RANGAP1: variants seen among roughly 807,000 people sequenced by gnomAD.
RANGAP1 encodes the protein Ran GTPase activating protein 1.
Under a neutral mutation model 63.5 loss-of-function variants are expected in RANGAP1, and 38 were observed. The observed-to-expected ratio is 0.60, with a 90% CI of 0.46 to 0.78. The LOEUF is 0.78. RANGAP1 is among the 30% of genes least tolerant of loss of function. The pLI is 0.00. For synonymous variants in RANGAP1, 329 were observed against 310.5 expected, an observed-to-expected ratio of 1.06 and a Z score of -0.63; for missense variants, 630 against 740.3, an observed-to-expected ratio of 0.85 and a Z score of 1.73.
At chr22:41,248,502 G>A (rs921340833) in intron 15 of RANGAP1, among the ~76,000 whole-genome samples, 4 of 152,232 alleles carry the variant, frequency 2.6e-5, no homozygotes, top group Non-Finnish European at 5.9e-5. Flanking sequence ...GCCTCAGCTG[G>A]TGGGCTCTGG....
In RANGAP1 at chr22:41,258,086, C is replaced by T; in HGVS notation, c.636G>A (p.Glu212=). The T allele has an allele frequency of 1.2e-6, 2 of 1,611,326 alleles. No homozygotes were observed. The highest frequency in any genetic ancestry group is 1.1e-5 in the South Asian group (1 of 90,694). ...TGATCCCATTCTGTGGCATGTGGACCTCCTCCAGGGTCCCGATGACCTGTG... is the reference window on the plus strand; with the variant it reads ...TGATCCCATTCTGTGGCATGTGGACTTCCTCCAGGGTCCCGATGACCTGTG... ...EAFRVIGTLE[E]VHMPQNGINH... The change falls in exon 7 of 16, where the codon GAG becomes GAA. Residue 212 remains glutamate (E), a synonymous_variant. Transcript: ENST00000356244.
At chr22:41,283,486 C>A (rs1039208997) in intron 1 of RANGAP1, among the ~76,000 whole-genome samples, 5 of 151,840 alleles carry the variant, frequency 3.3e-5, no homozygotes, top group African/African-American at 1.2e-4. Flanking sequence ...TCCAGCCTGG[C>A]GACAGAGCAA....
chr22:41,246,586 T>C lies in RANGAP1; in HGVS notation c.*17A>G, dbSNP rs372644088. 19 of 1,539,278 alleles carry C rather than the reference T, an allele frequency of 1.2e-5. No individual in the cohort carries two copies. The highest frequency in any genetic ancestry group is 8.8e-7 in the Non-Finnish European group (1 of 1,130,738). On this transcript the variant is annotated 3_prime_UTR_variant, in exon 16 of 16. Coordinates refer to ENST00000356244, the MANE Select transcript of RANGAP1 (RefSeq NM_002883.4). ...CAGCTCACTGGTCCAGGCCAAGGGATGGGAGAGGCTTTGAGTCTAGACCTT... is the reference window on the plus strand; with the variant it reads ...CAGCTCACTGGTCCAGGCCAAGGGACGGGAGAGGCTTTGAGTCTAGACCTT...
upstream of RANGAP1, among the ~76,000 whole-genome samples, chr22:41,287,335 T>C (rs2035774347): frequency 6.6e-6 from 1 of 151,938 alleles, no homozygotes; most frequent in Non-Finnish European, 1.5e-5. Context: ...GCAACTTTTC[T>C]GTAGGTGTGA....
intron 1 of RANGAP1, chr22:41,284,862 T>C (rs1273730016): frequency 6.6e-6 from 1 of 151,992 alleles, no homozygotes; most frequent in Non-Finnish European, 1.5e-5. Flanking sequence ...TTTCAAAAAA[T>C]AAATTAACCA....
chr22:41,295,010 C>T, the RANGAP1 span, among the ~76,000 whole-genome samples: 27 of 140,302 alleles, frequency 1.9e-4, no homozygotes, highest in Middle Eastern at 3.6e-3. Context: ...CCAGCCAACC[C>T]GTCCAGGAGG....
At chr22:41,249,292 G>C (rs1049964330) in intron 15 of RANGAP1, 38 bp downstream of exon 15, 1 of 1,554,532 alleles carries the variant, frequency 6.4e-7, no homozygotes, top group Non-Finnish European at 8.7e-7. Flanking sequence ...AGAAGCCCGA[G>C]AGGGCAGGCA....
chr22:41,299,642 T>TA, the RANGAP1 span, among the ~76,000 whole-genome samples: 10 of 152,194 alleles, frequency 6.6e-5, no homozygotes, highest in African/African-American at 2.4e-4. Flanking sequence ...CGGTGGCTGT[T>TA]ACTGCTATTT....
chr22:41,257,780 G>A lies in RANGAP1; in HGVS notation c.774+168C>T, dbSNP rs2033929805. Among the ~76,000 whole-genome samples the A allele has an allele frequency of 6.6e-6, 1 of 152,212 alleles. No individual in the cohort carries two copies. Among genetic ancestry groups the A allele is most frequent in the Admixed American group, 6.5e-5 (1 of 15,278 alleles). The stretch of plus-strand genomic sequence containing the variant: ...GAGGGCGTGGGTTACCTTGGGACCT[G>A]CAACCCTGTTCAGGACATGTTCAAA... On this transcript the variant is annotated intron_variant, in intron 7 of 15. Coordinates refer to ENST00000356244, the MANE Select transcript of RANGAP1 (RefSeq NM_002883.4). This position sits in a 1 kb window ranked among gnomAD's most constrained non-coding sequence, Gnocchi z 4.0.
upstream of RANGAP1, among the ~76,000 whole-genome samples, chr22:41,286,404 G>T (rs2035751324): frequency 1.3e-5 from 2 of 152,232 alleles, no homozygotes; most frequent in South Asian, 4.1e-4. Flanking sequence ...CCTCCTCTTC[G>T]CCCTCCCCTG....
chr22:41,252,287 G>A (rs1024397812), intron 12 of RANGAP1, among the ~76,000 whole-genome samples: 1 of 152,142 alleles, frequency 6.6e-6, no homozygotes, highest in Non-Finnish European at 1.5e-5. Flanking sequence ...GGGCGACAGA[G>A]TGAGACTCCA....
At chr22:41,301,910 G>T in the RANGAP1 span, 1 of 152,066 alleles carries the variant, frequency 6.6e-6, no homozygotes, top group African/African-American at 2.4e-5. Context: ...TTTCCAGGCC[G>T]GGGCCGCGCG....
rs1231076232 is a variant in RANGAP1 at position 41,257,934 on chromosome 22, C to T, written c.774+14G>A. The T allele has an allele frequency of 5.0e-6, 8 of 1,587,752 alleles. No homozygotes were observed. The highest frequency in any genetic ancestry group is 3.4e-4 in the Middle Eastern group (2 of 5,822). ...TCTGGCGGGGCCCAACTGGCTCTGC[C>T]ACACTCGCCTCACCTCGGCCATGGC... On this transcript the variant is annotated intron_variant, in intron 7 of 15. Transcript: ENST00000356244. The surrounding 1 kb of genome is among the most constrained non-coding windows in gnomAD (Gnocchi z 4.0).
At chr22:41,301,487 G>GCCGAGCTCTCTAGGAC in the RANGAP1 span, 2 of 152,130 alleles carry the variant, frequency 1.3e-5, no homozygotes, top group Non-Finnish European at 2.9e-5. Context: ...GGCGACGGGA[G>GCCGAGCTCTCTAGGAC]CCGAGCTCTC....
intron 5 of RANGAP1, among the ~76,000 whole-genome samples, chr22:41,263,933 T>A (rs1029174416): frequency 1.3e-5 from 2 of 152,242 alleles, no homozygotes; most frequent in Non-Finnish European, 2.9e-5. Context: ...GTGGAAAAAC[T>A]GGGATGGCAT....
chr22:41,253,710 ATTTG>A (rs1165241171), intron 11 of RANGAP1, among the ~76,000 whole-genome samples: 1 of 152,196 alleles, frequency 6.6e-6, no homozygotes, highest in Non-Finnish European at 1.5e-5. Context: ...ATTTATGCTT[ATTTG>A]TTTATTCTTT....
intron 1 of RANGAP1, among the ~76,000 whole-genome samples, chr22:41,284,405 C>T (rs1454754802): frequency 6.7e-6 from 1 of 149,818 alleles, no homozygotes. Flanking sequence ...CTGTCTCTAC[C>T]AAAAATACAA....
intron 5 of RANGAP1, among the ~76,000 whole-genome samples, chr22:41,262,991 C>A (rs367725967): frequency 6.6e-6 from 1 of 152,200 alleles, no homozygotes; most frequent in African/African-American, 2.4e-5. Context: ...CAGACCATGG[C>A]GTCTGAGCTC....
At chr22:41,297,197 G>C in the RANGAP1 span, among the ~76,000 whole-genome samples, 2 of 152,282 alleles carry the variant, frequency 1.3e-5, no homozygotes, top group Non-Finnish European at 1.5e-5. Context: ...GGACAACAGA[G>C]CAAGACTCCC....
Sources: allele counts gnomAD v4.1 joint callset (sites outside exome capture counted in the v4.1 genomes callset), GRCh38; gene constraint gnomAD v4.1.1; non-coding constraint Gnocchi (gnomAD v3.1); transcripts MANE v1.5; gene names NCBI Gene and HGNC (gene_info 2026-07-23, HGNC 2026-07-21).